Variants in UBAC2 observed in about 807,000 individuals in gnomAD.
UBAC2 encodes the protein ubiquitin-associated domain-containing protein 2.
UBAC2 carries 26 observed loss-of-function variants against 44.0 expected under a neutral mutation model. The observed-to-expected ratio is 0.59, with a 90% CI of 0.43 to 0.82. The LOEUF (loss-of-function observed/expected upper bound fraction) is 0.82. Ranked by LOEUF, UBAC2 falls within the 40% of genes least tolerant of loss-of-function variation. The probability of loss-of-function intolerance (pLI) is 0.00; values close to 1 mark genes in which losing one functional copy is unlikely to be tolerated. For synonymous variants in UBAC2, 155 were observed against 154.3 expected, an observed-to-expected ratio of 1.00 and a Z score of -0.04; for missense variants, 329 against 419.4, an observed-to-expected ratio of 0.78 and a Z score of 1.88.
intron 7 of UBAC2, among the ~76,000 whole-genome samples, chr13:99,360,441 C>G (rs1017487456): frequency 2.0e-5 from 3 of 152,200 alleles, no homozygotes; most frequent in African/African-American, 7.2e-5. Context: ...AACCAAGGGT[C>G]ATGGAAATGT....
intron 8 of UBAC2, among the ~76,000 whole-genome samples, chr13:99,368,233 G>A (rs2045357747): frequency 1.3e-5 from 2 of 152,184 alleles, no homozygotes; most frequent in South Asian, 2.1e-4. Flanking sequence ...AGGATGGGGA[G>A]GGAGTGTGCC....
At chr13:99,211,586 C>T (rs2042937458) in intron 1 of UBAC2, among the ~76,000 whole-genome samples, 1 of 152,204 alleles carries the variant, frequency 6.6e-6, no homozygotes, top group Non-Finnish European at 1.5e-5. Flanking sequence ...ATTCTCATAA[C>T]AGCCCTGTTA....
chr13:99,280,951 C>T (rs757773188), intron 4 of UBAC2, among the ~76,000 whole-genome samples: 45 of 152,050 alleles, frequency 3.0e-4, no homozygotes, highest in Admixed American at 2.6e-4. Context: ...TTTGGGAGGC[C>T]GAGGCAGGCA....
intron 1 of UBAC2, among the ~76,000 whole-genome samples, chr13:99,232,421 T>TATATATATATATATATATA (rs61314371): frequency 5.8e-4 from 81 of 139,678 alleles, no homozygotes; most frequent in East Asian, 8.5e-4. Flanking sequence ...TATATATATA[T>TATATATATATATATATATA]TCACACACAC....
At chr13:99,328,416 C>T (rs1005407105) in intron 6 of UBAC2, among the ~76,000 whole-genome samples, 1 of 152,178 alleles carries the variant, frequency 6.6e-6, no homozygotes, top group Non-Finnish European at 1.5e-5. Context: ...GGAAATACTA[C>T]CATGTTATTT....
At chr13:99,216,699 G>A (rs1354544726) in intron 1 of UBAC2, among the ~76,000 whole-genome samples, 1 of 152,086 alleles carries the variant, frequency 6.6e-6, no homozygotes, top group Non-Finnish European at 1.5e-5. Context: ...CTGGTGTTTT[G>A]AGGGTTCTTT....
chr13:99,278,632 G>A (rs2138679729), intron 4 of UBAC2, among the ~76,000 whole-genome samples: 1 of 152,102 alleles, frequency 6.6e-6, no homozygotes, highest in South Asian at 2.1e-4. Context: ...AGGACTACCT[G>A]GATCTCCAAA....
Position 99,295,959 on chromosome 13 carries a change from T to A in UBAC2, c.390-18138T>A. 1 of 1,613,566 alleles carries A rather than the reference T, an allele frequency of 6.2e-7. No individual in the cohort carries two copies. Among genetic ancestry groups the A allele is most frequent in the Non-Finnish European group, 8.5e-7 (1 of 1,179,504 alleles). On this transcript the variant is annotated intron_variant, in intron 4 of 8. Coordinates refer to ENST00000403766, the MANE Select transcript of UBAC2 (RefSeq NM_001144072.2). This position sits in a 1 kb window ranked among gnomAD's most constrained non-coding sequence, Gnocchi z 4.1. ...GTTGAATAGAGGGTGGTAGAGTTGA[T>A]TTTTTTCCTGTTTTGAACAATGACG...
At position 99,219,646 on chromosome 13, in the gene UBAC2, A is replaced by G. The variant is rs1036994664; in HGVS notation, c.31+18707A>G. Among the ~76,000 whole-genome samples, 5 of 152,174 alleles carry G rather than the reference A, an allele frequency of 3.3e-5. No individual in the cohort carries two copies. In the South Asian group the frequency reaches 1.0e-3, roughly 31 times the overall value. ...TAGTGTACTTTATGTGTGGCCCAAG[A>G]TAATTCTTCTTTTCCAGTGTGGCCC... is the stretch of plus-strand genomic sequence containing the variant. On this transcript the variant is annotated intron_variant, in intron 1 of 8. Coordinates refer to ENST00000403766, the MANE Select transcript of UBAC2 (RefSeq NM_001144072.2).
At chr13:99,363,483 G>A (rs1454284687) in intron 7 of UBAC2, among the ~76,000 whole-genome samples, 2 of 152,218 alleles carry the variant, frequency 1.3e-5, no homozygotes, top group African/African-American at 2.4e-5. Context: ...TTTCTGTCTT[G>A]TATAGAAGTC....
chr13:99,321,784 A>C (rs190795551), intron 6 of UBAC2, among the ~76,000 whole-genome samples: 57 of 152,318 alleles, frequency 3.7e-4, no homozygotes, highest in South Asian at 6.2e-4. Context: ...GAAAATAACT[A>C]AATCATTTTT....
In UBAC2 at chr13:99,248,961, C is replaced by G. The variant is rs2043424084; in HGVS notation, c.389+4337C>G. Among the ~76,000 whole-genome samples the G allele has an allele frequency of 3.9e-5, 6 of 152,312 alleles. No individual in the cohort carries two copies. In the South Asian group the frequency reaches 1.2e-3, roughly 32 times the overall value. The stretch of plus-strand genomic sequence containing the variant: ...TTAGTAGCATCTACTCAGAGTCATG[C>G]AAGCTGGAAATCTTTCATTTTGCTT... On this transcript the variant is annotated intron_variant, in intron 4 of 8. Transcript: ENST00000403766.
intron 2 of UBAC2, among the ~76,000 whole-genome samples, chr13:99,241,264 C>CAA (rs35336464): frequency 7.7e-4 from 88 of 114,836 alleles, no homozygotes; most frequent in African/African-American, 2.7e-3. Context: ...GACCCTGTCT[C>CAA]AAAAAAAAAA....
At chr13:99,206,299 T>C (rs763100391) in intron 1 of UBAC2, among the ~76,000 whole-genome samples, 2 of 152,122 alleles carry the variant, frequency 1.3e-5, no homozygotes, top group African/African-American at 2.4e-5. Context: ...AGTTGGAAGC[T>C]GAGGACAGAC....
chr13:99,311,238 T>TG (rs1364241677), intron 4 of UBAC2, among the ~76,000 whole-genome samples: 2 of 151,972 alleles, frequency 1.3e-5, no homozygotes, highest in Non-Finnish European at 2.9e-5. Context: ...GTAAGTGCTG[T>TG]GGGGGAGGAC....
chr13:99,364,284 CCTT>C (rs2045302838), intron 7 of UBAC2, among the ~76,000 whole-genome samples: 1 of 150,674 alleles, frequency 6.6e-6, no homozygotes, highest in Admixed American at 6.6e-5. Context: ...TGATTTTTCT[CCTT>C]CAAACTGTTA....
chr13:99,201,312 G>A (rs2042794421), intron 1 of UBAC2: 1 of 1,493,528 alleles, frequency 6.7e-7, no homozygotes, highest in Admixed American at 2.2e-5. Context: ...CCCTTACCAT[G>A]CCCCATTCTT....
chr13:99,238,595 GT>G (rs756738652), intron 2 of UBAC2, 41 bp downstream of exon 2: 3,123 of 1,248,522 alleles, frequency 2.5e-3, no homozygotes, highest in South Asian at 6.5e-3. Flanking sequence ...AGAGCGGACA[GT>G]TTTTTTTTTT....
Position 99,295,155 on chromosome 13 carries a change from T to C in UBAC2, c.390-18942T>C. On this transcript the variant is annotated intron_variant, in intron 4 of 8. Coordinates refer to ENST00000403766, the MANE Select transcript of UBAC2 (RefSeq NM_001144072.2). The surrounding 1 kb of genome is among the most constrained non-coding windows in gnomAD (Gnocchi z 4.1). ...GGGGCTGACTTCACAGCACTAGAAA[T>C]CGATACACTGACTTGCCGTTTCAGC... is the stretch of plus-strand genomic sequence containing the variant. 6.2e-7 allele frequency: 1 copy of C among 1,614,162 alleles called. No individual in the cohort carries two copies. Among genetic ancestry groups the C allele is most frequent in the Non-Finnish European group, 8.5e-7 (1 of 1,180,010 alleles).
Sources: allele counts gnomAD v4.1 joint callset (sites outside exome capture counted in the v4.1 genomes callset), GRCh38; gene constraint gnomAD v4.1.1; non-coding constraint Gnocchi (gnomAD v3.1); transcripts MANE v1.5; gene names NCBI Gene and HGNC (gene_info 2026-07-23, HGNC 2026-07-21).